RARRES1: variants seen among roughly 807,000 people sequenced by gnomAD.
RARRES1 encodes retinoic acid receptor responder protein 1.
A neutral mutation model predicts 30.6 loss-of-function variants in RARRES1; 34 were observed. The observed-to-expected ratio is 1.11, with a 90% CI of 0.84 to 1.48. The LOEUF (loss-of-function observed/expected upper bound fraction) is 1.48. RARRES1 is among the 40% of genes most tolerant of loss of function. RARRES1 has a pLI of 0.00. For synonymous variants in RARRES1, 153 were observed against 155.5 expected, an observed-to-expected ratio of 0.98 and a Z score of 0.12; for missense variants, 373 against 386.5, an observed-to-expected ratio of 0.97 and a Z score of 0.29.
At chr3:158,701,963 A>G (rs905830163) in intron 4 of RARRES1, among the ~76,000 whole-genome samples, 2 of 152,072 alleles carry the variant, frequency 1.3e-5, no homozygotes, top group Non-Finnish European at 2.9e-5. Flanking sequence ...ACACCCAGAC[A>G]TCGCAGGGGG....
chr3:158,706,188 G>A (rs990928128), intron 3 of RARRES1, among the ~76,000 whole-genome samples: 4 of 152,194 alleles, frequency 2.6e-5, no homozygotes, highest in African/African-American at 9.7e-5. Context: ...TGGGATCTGT[G>A]AAGGATACCA....
intron 2 of RARRES1, among the ~76,000 whole-genome samples, chr3:158,712,780 C>G (rs1310257113): frequency 6.6e-6 from 1 of 152,156 alleles, no homozygotes; most frequent in Non-Finnish European, 1.5e-5. Context: ...CTCTTCACCC[C>G]CTGAAATGGA....
At chr3:158,715,171 A>G (rs1727283144) in intron 1 of RARRES1, among the ~76,000 whole-genome samples, 1 of 152,212 alleles carries the variant, frequency 6.6e-6, no homozygotes, top group African/African-American at 2.4e-5. Flanking sequence ...AAGTCTGTCT[A>G]TTCACTCATT....
At chr3:158,727,700 G>A (rs541688631) in intron 1 of RARRES1, among the ~76,000 whole-genome samples, 1 of 152,192 alleles carries the variant, frequency 6.6e-6, no homozygotes, top group East Asian at 1.9e-4. Context: ...CCAACTGTGG[G>A]TCCTGAGCCT....
chr3:158,711,600 C>CTTTTTTTT (rs1175463184), intron 2 of RARRES1, among the ~76,000 whole-genome samples: 1 of 121,314 alleles, frequency 8.2e-6, no homozygotes, highest in African/African-American at 3.2e-5. Flanking sequence ...TTGCATTCAT[C>CTTTTTTTT]TTTTTTTTTT....
chr3:158,718,548 G>A (rs1727398717), intron 1 of RARRES1, among the ~76,000 whole-genome samples: 1 of 152,236 alleles, frequency 6.6e-6, no homozygotes, highest in African/African-American at 2.4e-5. Flanking sequence ...GGTGGGGTTT[G>A]GGGCTTTACG....
At chr3:158,715,626 G>T (rs562860280) in intron 1 of RARRES1, among the ~76,000 whole-genome samples, 44 of 152,120 alleles carry the variant, frequency 2.9e-4, no homozygotes, top group Non-Finnish European at 5.6e-4. Context: ...TTCAATGTCT[G>T]TTTACTATTT....
chr3:158,698,286 A>G (rs1726615932), intron 4 of RARRES1: 1 of 237,406 alleles, frequency 4.2e-6, no homozygotes, highest in Non-Finnish European at 8.1e-6. Context: ...AAGCTGATAT[A>G]TTAGCCCTGA....
At chr3:158,701,310 A>G (rs1726714847) in intron 4 of RARRES1, among the ~76,000 whole-genome samples, 1 of 151,592 alleles carries the variant, frequency 6.6e-6, no homozygotes. Flanking sequence ...CTAAGGAAAG[A>G]GTTGTGCCAG....
At chr3:158,699,290 T>C (rs990407352) in intron 4 of RARRES1, among the ~76,000 whole-genome samples, 1 of 152,200 alleles carries the variant, frequency 6.6e-6, no homozygotes, top group African/African-American at 2.4e-5. Context: ...CTTCTTCCCC[T>C]AAGCTAGCTT....
At chr3:158,699,719 C>T (rs1726662958) in intron 4 of RARRES1, among the ~76,000 whole-genome samples, 1 of 152,126 alleles carries the variant, frequency 6.6e-6, no homozygotes, top group South Asian at 2.1e-4. Context: ...AGGTTTCCCT[C>T]GTCTCTCACA....
intron 2 of RARRES1, 96 bp from the exon 3 acceptor site, chr3:158,711,029 A>C: frequency 1.7e-6 from 2 of 1,178,272 alleles, no homozygotes; most frequent in Non-Finnish European, 2.4e-6. Flanking sequence ...CAAGGCAGGC[A>C]GGCTCTGGCA....
At chr3:158,724,392 T>A (rs1727610774) in intron 1 of RARRES1, among the ~76,000 whole-genome samples, 1 of 152,212 alleles carries the variant, frequency 6.6e-6, no homozygotes. Context: ...GAGATGGGAT[T>A]ATCCTGGATT....
intron 1 of RARRES1, among the ~76,000 whole-genome samples, chr3:158,729,816 C>T (rs1034001434): frequency 3.3e-5 from 5 of 152,016 alleles, no homozygotes; most frequent in Non-Finnish European, 7.4e-5. Context: ...AACTGGTGTA[C>T]CTTAGAAATC....
Position 158,697,556 on chromosome 3 carries a change from A to C in RARRES1, c.*122T>G. 9.1e-7 allele frequency: 1 copy of C among 1,098,664 alleles called. No individual in the cohort carries two copies. Among genetic ancestry groups the C allele is most frequent in the Non-Finnish European group, 1.3e-6 (1 of 776,208 alleles). The allele number at this position is 1,098,664 out of a possible 1,614,324, so 68.1% of individuals were successfully genotyped here. On this transcript the variant is annotated 3_prime_UTR_variant, in exon 6 of 6. Coordinates refer to ENST00000237696, the MANE Select transcript of RARRES1 (RefSeq NM_206963.2). Reference sequence around the variant, plus strand: ...AACATCTTTGCATTTCTGAGTTTTTACTTGTAATCATAGGTTTTCCCAAAT... The same window carrying C: ...AACATCTTTGCATTTCTGAGTTTTTCCTTGTAATCATAGGTTTTCCCAAAT...
At chr3:158,728,511 T>C (rs1727763081) in intron 1 of RARRES1, among the ~76,000 whole-genome samples, 2 of 140,092 alleles carry the variant, frequency 1.4e-5, no homozygotes, top group African/African-American at 2.8e-5. Flanking sequence ...GGTTTCTTTT[T>C]CTTTCTTTTT....
chr3:158,706,956 G>A (rs1223987859), intron 3 of RARRES1, among the ~76,000 whole-genome samples: 1 of 152,108 alleles, frequency 6.6e-6, no homozygotes, highest in East Asian at 1.9e-4. Context: ...ATCACCGGAG[G>A]TCAGGAGTTG....
rs539812589 is a variant in RARRES1 at position 158,713,747 on chromosome 3, A to G, written c.339+50T>C. 26 of 1,521,026 alleles carry G rather than the reference A, an allele frequency of 1.7e-5. No individual in the cohort carries two copies. In the South Asian group the frequency reaches 2.8e-4, roughly 16 times the overall value. 94.2% of individuals were successfully genotyped at this position (1,521,026 alleles called of 1,614,324 possible). ...AAGATTCTCACTTTTTTACAAAGCC[A>G]TATTTATAGCAGTTGCTAATAGGAT... On this transcript the variant is annotated intron_variant, in intron 2 of 5. Coordinates refer to ENST00000237696, the MANE Select transcript of RARRES1 (RefSeq NM_206963.2).
chr3:158,717,057 G>A (rs1389582545), intron 1 of RARRES1, among the ~76,000 whole-genome samples: 3 of 152,144 alleles, frequency 2.0e-5, no homozygotes, highest in Non-Finnish European at 4.4e-5. Flanking sequence ...GAGATGAGCC[G>A]CACAGCCACA....
Sources: gnomAD v4.1 joint callset for allele counts (sites outside exome capture counted in the v4.1 genomes callset) on GRCh38, gnomAD v4.1.1 for gene constraint, MANE v1.5 for transcripts, NCBI Gene and HGNC (gene_info 2026-07-23, HGNC 2026-07-21) for gene names.